Variants in KIAA1191 observed in about 807,000 individuals in gnomAD.
The protein encoded by KIAA1191 is putative monooxygenase p33MONOX.
A neutral mutation model predicts 31.1 loss-of-function variants in KIAA1191; 22 were observed. The observed-to-expected ratio is 0.71, with a 90% CI of 0.51 to 1.01. The LOEUF is 1.01. Among genes scored for constraint, KIAA1191 ranks in the 50% least tolerant of loss-of-function variants. KIAA1191 has a pLI of 0.00. For synonymous variants in KIAA1191, 130 were observed against 143.9 expected, an observed-to-expected ratio of 0.90 and a Z score of 0.69; for missense variants, 319 against 388.0, an observed-to-expected ratio of 0.82 and a Z score of 1.49.
chr5:176,347,896 C>T (rs760735812), intron 8 of KIAA1191, 25 bp downstream of exon 8: 3 of 1,613,936 alleles, frequency 1.9e-6, no homozygotes, highest in Non-Finnish European at 2.5e-6. Context: ...CCATGCTGCT[C>T]TCTTTTTTGA....
intron 3 of KIAA1191, among the ~76,000 whole-genome samples, chr5:176,359,155 C>T (rs1424308473): frequency 1.5e-5 from 2 of 135,932 alleles, no homozygotes; most frequent in Non-Finnish European, 1.5e-5. Flanking sequence ...CCCGTCTCTA[C>T]AAAAAATACA....
At chr5:176,353,021 T>G (rs146489060) in intron 4 of KIAA1191, among the ~76,000 whole-genome samples, 322 of 152,330 alleles carry the variant, frequency 2.1e-3, no homozygotes, top group Middle Eastern at 0.01. Flanking sequence ...GACTATGATC[T>G]TCCGATATAC....
intron 3 of KIAA1191, among the ~76,000 whole-genome samples, chr5:176,358,603 C>A (rs1767696661): frequency 6.6e-6 from 1 of 152,174 alleles, no homozygotes; most frequent in Admixed American, 6.5e-5. Context: ...GTAATCCCAG[C>A]TACTCGAGGC....
At chr5:176,358,572 C>T (rs1767692978) in intron 3 of KIAA1191, among the ~76,000 whole-genome samples, 1 of 151,958 alleles carries the variant, frequency 6.6e-6, no homozygotes, top group Non-Finnish European at 1.5e-5. Flanking sequence ...AAAAATTAGC[C>T]GGGCGTGGTG....
At position 176,355,381 on chromosome 5, in the gene KIAA1191, ATTT is replaced by A. The variant is rs576337888; in HGVS notation, c.207+187_207+189del. 3.4e-5 allele frequency among the ~76,000 whole-genome samples: 5 copies of A among 146,176 alleles called. No individual in the cohort carries two copies. The highest frequency in any genetic ancestry group is 6.0e-5 in the Non-Finnish European group (4 of 66,706). ...ACCTCGGGTAACCCTAAAGCTACTGATTTTTTTTTTAACAAAATAAATAAAATC... is the reference window on the plus strand; with the variant it reads ...ACCTCGGGTAACCCTAAAGCTACTGATTTTTTTAACAAAATAAATAAAATC... On this transcript the variant is annotated intron_variant, in intron 4 of 8. Coordinates refer to ENST00000298569, the MANE Select transcript of KIAA1191 (RefSeq NM_020444.5). This position sits in a 1 kb window ranked among gnomAD's most constrained non-coding sequence, Gnocchi z 4.2.
At chr5:176,358,533 T>C (rs188962475) in intron 3 of KIAA1191, among the ~76,000 whole-genome samples, 2,377 of 150,462 alleles carry the variant, frequency 0.016, 26 homozygotes, top group Non-Finnish European at 0.025. Context: ...CTGGCCAACA[T>C]GGAGAAACCC....
At position 176,347,924 on chromosome 5, in the gene KIAA1191, A is replaced by C; in HGVS notation, c.706T>G (p.Ser236Ala). 1.2e-6 allele frequency: 2 copies of C among 1,614,154 alleles called. No individual in the cohort carries two copies. Among genetic ancestry groups the C allele is most frequent in the Non-Finnish European group, 1.7e-6 (2 of 1,180,024 alleles). The part of the protein sequence containing the change: ...FGPRSLQKYD[S>A]GSFATQAYRG... The stretch of plus-strand genomic sequence containing the variant: ...TTTTTTGAAGGTGCTGCCTTACCAG[A>C]ATCGTACTTCTGAAGGGATCTCGGT... The change falls in exon 8 of 9, where the codon TCT becomes GCT. Residue 236 changes from serine (S) to alanine (A), a missense_variant. Ser to Ala is a moderately conservative substitution (Grantham distance 99). Coordinates refer to ENST00000298569, the MANE Select transcript of KIAA1191 (RefSeq NM_020444.5).
intron 4 of KIAA1191, among the ~76,000 whole-genome samples, chr5:176,354,918 A>T (rs139402056): frequency 1.2e-4 from 16 of 138,878 alleles, no homozygotes; most frequent in African/African-American, 3.4e-4. Flanking sequence ...CACAGAAGAG[A>T]CTTTTGAGCT....
intron 1 of KIAA1191, among the ~76,000 whole-genome samples, chr5:176,360,153 A>ATTTTT (rs200839926): frequency 4.9e-5 from 6 of 123,068 alleles, no homozygotes; most frequent in African/African-American, 9.4e-5. Flanking sequence ...CCCAATCCCA[A>ATTTTT]TTTTTTTTTT....
chr5:176,351,320 G>A (rs533495918), intron 5 of KIAA1191, among the ~76,000 whole-genome samples: 7 of 148,870 alleles, frequency 4.7e-5, no homozygotes, highest in African/African-American at 1.7e-4. Flanking sequence ...CAGCCTGGGC[G>A]ACAGAGCAAG....
At position 176,359,849 on chromosome 5, in the gene KIAA1191, T is replaced by A. The variant is rs569775860; in HGVS notation, c.-98A>T. Reference sequence around the variant, plus strand: ...TGTGATGACTAAGCGGACAGACAGATGTTAATGAGGAACATGGTCCAGCTG... The same window carrying A: ...TGTGATGACTAAGCGGACAGACAGAAGTTAATGAGGAACATGGTCCAGCTG... On this transcript the variant is annotated 5_prime_UTR_variant, in exon 2 of 9. Coordinates refer to ENST00000298569, the MANE Select transcript of KIAA1191 (RefSeq NM_020444.5). The A allele has an allele frequency of 1.8e-5, 4 of 222,420 alleles. No individual in the cohort carries two copies. The East Asian group carries it at 3.4e-4, about 19-fold the overall frequency. The allele number at this position is 222,420 out of a possible 1,614,324, so 13.8% of individuals were successfully genotyped here.
Sources: allele counts gnomAD v4.1 joint callset (sites outside exome capture counted in the v4.1 genomes callset), GRCh38; gene constraint gnomAD v4.1.1; non-coding constraint Gnocchi (gnomAD v3.1); transcripts MANE v1.5; gene names NCBI Gene and HGNC (gene_info 2026-07-23, HGNC 2026-07-21).